The following WDR70 variants were observed in gnomAD, a reference collection of about 807,000 sequenced individuals.
WDR70 encodes the protein WD repeat domain 70.
In WDR70, 53 loss-of-function variants were observed where a neutral mutation model predicts 88.6. The observed-to-expected ratio is 0.60, with a 90% CI of 0.48 to 0.75. The LOEUF (loss-of-function observed/expected upper bound fraction) is 0.75, where lower values mean the gene tolerates loss of function less well. Ranked by LOEUF, WDR70 falls within the 30% of genes least tolerant of loss-of-function variation. The pLI, the probability that WDR70 is intolerant of heterozygous loss-of-function variation, is 0.00. For missense variants in WDR70, 610 were observed against 823.2 expected (o/e 0.74, Z 3.17); for synonymous variants, 280 against 270.0 (o/e 1.04, Z -0.36).
chr5:37,455,243 C>CTT (rs544303522), intron 7 of WDR70, among the ~76,000 whole-genome samples: 118 of 123,074 alleles, frequency 9.6e-4, no homozygotes, highest in Non-Finnish European at 1.3e-3. Context: ...TTCTTTCTTT[C>CTT]TTTTTTTTTT....
intron 8 of WDR70, among the ~76,000 whole-genome samples, chr5:37,483,059 C>A (rs1274193653): frequency 3.7e-5 from 5 of 136,040 alleles, no homozygotes; most frequent in Non-Finnish European, 7.7e-5. Flanking sequence ...GACACCCTGT[C>A]TCTTAATTTA....
At chr5:37,499,597 C>CTCTCTCTTTTTT (rs796576579) in intron 8 of WDR70, among the ~76,000 whole-genome samples, 1 of 50,296 alleles carries the variant, frequency 2.0e-5, no homozygotes, top group South Asian at 6.7e-4. Flanking sequence ...TTCTCTCTCT[C>CTCTCTCTTTTTT]TCTCTCTCTC....
chr5:37,551,302 T>A (rs761621394), intron 9 of WDR70, among the ~76,000 whole-genome samples: 7 of 149,312 alleles, frequency 4.7e-5, no homozygotes, highest in Non-Finnish European at 8.9e-5. Context: ...TAAAACTTTG[T>A]TCCCCCCCTC....
At chr5:37,446,517 T>C (rs1738484630) in intron 7 of WDR70, among the ~76,000 whole-genome samples, 1 of 152,166 alleles carries the variant, frequency 6.6e-6, no homozygotes, top group South Asian at 2.1e-4. Context: ...GCTGGAGGCA[T>C]CATGCTACCT....
At chr5:37,564,502 CA>C (rs1483930090) in intron 9 of WDR70, among the ~76,000 whole-genome samples, 2 of 148,594 alleles carry the variant, frequency 1.3e-5, no homozygotes, top group Admixed American at 1.4e-4. Context: ...GGGTCGGCAT[CA>C]GGGGGAGACC....
intron 8 of WDR70, among the ~76,000 whole-genome samples, chr5:37,481,413 G>A (rs542871093): frequency 1.2e-4 from 19 of 152,164 alleles, no homozygotes; most frequent in Non-Finnish European, 2.1e-4. Flanking sequence ...GGAGGTTCAC[G>A]AACCTTAATT....
chr5:37,562,943 G>C (rs1458688293), intron 9 of WDR70, among the ~76,000 whole-genome samples: 2 of 150,014 alleles, frequency 1.3e-5, no homozygotes, highest in African/African-American at 2.4e-5. Flanking sequence ...ATCATGGCCC[G>C]TTCTCAATGA....
intron 10 of WDR70, among the ~76,000 whole-genome samples, chr5:37,694,013 A>G (rs569582976): frequency 6.6e-6 from 1 of 152,286 alleles, no homozygotes; most frequent in African/African-American, 2.4e-5. Context: ...TACAAGACAA[A>G]AATAACCCCA....
intron 11 of WDR70, 109 bp from the exon 12 acceptor site, chr5:37,700,949 C>T: frequency 1.6e-6 from 1 of 640,384 alleles, no homozygotes; most frequent in South Asian, 2.0e-5. Flanking sequence ...TTCCCCTTCC[C>T]TTTCTTCTTT....
intron 10 of WDR70, among the ~76,000 whole-genome samples, chr5:37,625,843 T>C (rs1278013890): frequency 1.3e-5 from 2 of 152,142 alleles, no homozygotes; most frequent in African/African-American, 4.8e-5. Context: ...CATATTTTAA[T>C]TGGATTTGTT....
At chr5:37,579,582 C>CAAAAAAA (rs201135421) in intron 9 of WDR70, among the ~76,000 whole-genome samples, 1 of 82,732 alleles carries the variant, frequency 1.2e-5, no homozygotes, top group African/African-American at 4.4e-5. Context: ...GACTCTGTCT[C>CAAAAAAA]AAAAAAAAAA....
chr5:37,418,359 G>A (rs538510850), intron 5 of WDR70, among the ~76,000 whole-genome samples: 3 of 151,878 alleles, frequency 2.0e-5, no homozygotes, highest in South Asian at 4.1e-4. Flanking sequence ...TCGCTCTGTC[G>A]CCCAGGCTGG....
intron 10 of WDR70, among the ~76,000 whole-genome samples, chr5:37,683,942 G>A (rs1746510947): frequency 6.6e-6 from 1 of 152,126 alleles, no homozygotes; most frequent in Admixed American, 6.5e-5. Flanking sequence ...TGTTTTCCAA[G>A]TTGTTTCCAT....
chr5:37,545,842 T>C (rs1741976041), intron 9 of WDR70, among the ~76,000 whole-genome samples: 1 of 152,216 alleles, frequency 6.6e-6, no homozygotes, highest in Non-Finnish European at 1.5e-5. Context: ...TTTTTAGTAA[T>C]TATCTGTTTA....
In WDR70 at chr5:37,714,914, C is replaced by G. The variant is rs146976256; in HGVS notation, c.1417-6201C>G. Among the ~76,000 whole-genome samples the G allele has an allele frequency of 3.1e-3, 478 of 152,254 alleles. 4 individuals are homozygous for G. Among genetic ancestry groups the G allele is most frequent in the African/African-American group, 0.011 (457 of 41,556 alleles). On this transcript the variant is annotated intron_variant, in intron 13 of 17. Transcript: ENST00000265107. ...TTAATTTTACTTCCCAAGAGACCTT[C>G]CATTTTCTCTGAGAACTTTTTCTCA...
At chr5:37,588,569 G>T (rs1201733749) in intron 9 of WDR70, among the ~76,000 whole-genome samples, 1 of 150,216 alleles carries the variant, frequency 6.7e-6, no homozygotes, top group East Asian at 2.0e-4. Context: ...TATATTTAAG[G>T]TCACTTATTT....
intron 13 of WDR70, among the ~76,000 whole-genome samples, chr5:37,718,768 T>C (rs1191800165): frequency 2.0e-5 from 3 of 152,220 alleles, no homozygotes; most frequent in African/African-American, 7.2e-5. Context: ...CTGTAGCTTT[T>C]AATTCATTCC....
At chr5:37,420,583 G>T (rs1026324112) in intron 5 of WDR70, among the ~76,000 whole-genome samples, 9 of 152,194 alleles carry the variant, frequency 5.9e-5, no homozygotes, top group African/African-American at 2.2e-4. Context: ...AGGAACAAAG[G>T]TGCATGCCAC....
At chr5:37,435,039 T>G (rs1024451157) in intron 5 of WDR70, among the ~76,000 whole-genome samples, 1 of 152,214 alleles carries the variant, frequency 6.6e-6, no homozygotes, top group South Asian at 2.1e-4. Flanking sequence ...ATATGGGATT[T>G]TTATGAGTTA....
Sources: allele counts gnomAD v4.1 joint callset (sites outside exome capture counted in the v4.1 genomes callset), GRCh38; gene constraint gnomAD v4.1.1; transcripts MANE v1.5; gene names NCBI Gene and HGNC (gene_info 2026-07-23, HGNC 2026-07-21).